USP3: variants seen among roughly 807,000 people sequenced by gnomAD.
USP3 encodes ubiquitin carboxyl-terminal hydrolase 3.
A neutral mutation model predicts 72.3 loss-of-function variants in USP3; 20 were observed. The ratio of observed to expected loss-of-function variants is 0.28; its 90% CI spans 0.19 to 0.40. The LOEUF (loss-of-function observed/expected upper bound fraction) is 0.40. USP3 is among the 10% of genes least tolerant of loss of function. The pLI is 1.00. For missense variants in USP3, 479 were observed against 633.9 expected (o/e 0.76, Z 2.62); for synonymous variants, 222 against 225.3 (o/e 0.99, Z 0.13).
chr15:63,564,516 A>G (rs868227589), intron 8 of USP3, among the ~76,000 whole-genome samples: 12 of 152,346 alleles, frequency 7.9e-5, no homozygotes, highest in Middle Eastern at 3.4e-3. Context: ...GCTTAGAAAC[A>G]TTATCATATT....
At position 63,592,113 on chromosome 15, in the gene USP3, T is replaced by G. The variant is rs1427663209; in HGVS notation, c.*1287T>G. 1 of 152,076 alleles carries G rather than the reference T, an allele frequency of 6.6e-6. No individual in the cohort carries two copies. The highest frequency in any genetic ancestry group is 2.4e-5 in the African/African-American group (1 of 41,400). The allele number at this position is 152,076 out of a possible 1,614,324, so 9.4% of individuals were successfully genotyped here. On this transcript the variant is annotated 3_prime_UTR_variant, in exon 15 of 15. Coordinates refer to ENST00000380324, the MANE Select transcript of USP3 (RefSeq NM_006537.4). ...TGTATTTTTAGTAAAGACGGGGGTT[T>G]ACCATGTTGGCTAGGGTGGTCTCAA...
chr15:63,556,314 T>C (rs1389347272), intron 4 of USP3: 2 of 181,254 alleles, frequency 1.1e-5, no homozygotes, highest in Admixed American at 1.2e-4. Context: ...AACAGTAGTA[T>C]CAGACCAGGG....
Position 63,574,463 on chromosome 15 carries a change from G to C in USP3, c.1096+60G>C. ...TTTAAATAATTGAATAGATTGATAAGCTTCATCTATATGTGGTATCTTTAA... is the reference window on the plus strand; with the variant it reads ...TTTAAATAATTGAATAGATTGATAACCTTCATCTATATGTGGTATCTTTAA... On this transcript the variant is annotated intron_variant, in intron 11 of 14. Transcript: ENST00000380324. The surrounding 1 kb of genome is among the most constrained non-coding windows in gnomAD (Gnocchi z 4.6). 1.6e-5 allele frequency: 21 copies of C among 1,280,652 alleles called. No homozygotes were observed. The highest frequency in any genetic ancestry group is 2.3e-5 in the Non-Finnish European group (21 of 919,180). The allele number at this position is 1,280,652 out of a possible 1,614,324, so 79.3% of individuals were successfully genotyped here.
At chr15:63,561,532 G>A (rs1022105784) in intron 7 of USP3, among the ~76,000 whole-genome samples, 3 of 152,218 alleles carry the variant, frequency 2.0e-5, no homozygotes, top group Non-Finnish European at 2.9e-5. Context: ...CAGCCATGCT[G>A]CTGCCCTGCA....
rs777314633 is a variant in USP3, at chr15:63,559,944, C to T, written c.621C>T (p.His207=). 5.0e-6 allele frequency: 8 copies of T among 1,614,032 alleles called. No homozygotes were observed. Among genetic ancestry groups the T allele is most frequent in the South Asian group, 2.2e-5 (2 of 91,066 alleles). The change falls in exon 7 of 15, where the codon CAC becomes CAT. Residue 207 remains histidine (H), a synonymous_variant. Transcript: ENST00000380324. ...AAACAGCAGGAAGGCGGACATACCA[C>T]ACCAGGAGCCAAGGGGATAACAATG... ...NGKTAGRRTY[H]TRSQGDNNVS...
intron 11 of USP3, among the ~76,000 whole-genome samples, chr15:63,577,810 T>G (rs2066888915): frequency 6.6e-6 from 1 of 151,708 alleles, no homozygotes; most frequent in Non-Finnish European, 1.5e-5. Context: ...ATGCCTATAA[T>G]CCCAGCTTCT....
At chr15:63,521,158 A>G (rs966648446) in intron 1 of USP3, among the ~76,000 whole-genome samples, 2 of 93,704 alleles carry the variant, frequency 2.1e-5, no homozygotes, top group Non-Finnish European at 4.7e-5. Context: ...TTTTTTTTTC[A>G]TTTAGCTGTA....
chr15:63,554,368 A>C (rs2066478461), intron 4 of USP3, among the ~76,000 whole-genome samples: 1 of 152,238 alleles, frequency 6.6e-6, no homozygotes, highest in South Asian at 2.1e-4. Flanking sequence ...GAAACTATTT[A>C]TATGTGAACA....
chr15:63,589,012 G>T lies in USP3; in HGVS notation c.1397+1G>T. ...CTGTGGTGGTGCACCATGGTTCCGG[G>T]TGAGTACAACAGCCAGCTTCTGGTG... On this transcript the variant is annotated splice_donor_variant, in intron 14 of 14. Transcript: ENST00000380324. LOFTEE classifies it high-confidence loss of function. 6.2e-7 allele frequency: 1 copy of T among 1,613,232 alleles called. No homozygotes were observed. Among genetic ancestry groups the T allele is most frequent in the African/African-American group, 1.3e-5 (1 of 75,016 alleles).
chr15:63,529,162 G>A lies in USP3; in HGVS notation c.92-3485G>A. 1.3e-6 allele frequency: 1 copy of A among 785,102 alleles called. No homozygotes were observed. Among genetic ancestry groups the A allele is most frequent in the Non-Finnish European group, 1.9e-6 (1 of 532,746 alleles). 48.6% of individuals were successfully genotyped at this position (785,102 alleles called of 1,614,324 possible). ...TACAGATGCAATCACCACCACACTT[G>A]GCAGGTAGTAAAGTGGTTTTTTTTT... On this transcript the variant is annotated intron_variant, in intron 1 of 14. Transcript: ENST00000380324. The surrounding 1 kb of genome is among the most constrained non-coding windows in gnomAD (Gnocchi z 4.2).
chr15:63,584,361 G>C (rs2067019838), intron 11 of USP3, among the ~76,000 whole-genome samples: 1 of 152,154 alleles, frequency 6.6e-6, no homozygotes, highest in South Asian at 2.1e-4. Flanking sequence ...GCCTCCCAAA[G>C]TGCTGGGATT....
chr15:63,589,245 C>T, intron 14 of USP3: 1 of 554,100 alleles, frequency 1.8e-6, no homozygotes, highest in Non-Finnish European at 3.2e-6. Flanking sequence ...GTATTTACGA[C>T]CCAGTCTTTA....
intron 1 of USP3, among the ~76,000 whole-genome samples, chr15:63,526,979 T>G (rs1442903746): frequency 6.6e-6 from 1 of 152,154 alleles, no homozygotes; most frequent in Non-Finnish European, 1.5e-5. Flanking sequence ...ACTGCAGCCT[T>G]GACTTCCTGG....
At chr15:63,563,180 A>G (rs1164663544) in intron 8 of USP3, among the ~76,000 whole-genome samples, 172 bp downstream of exon 8, 1 of 152,168 alleles carries the variant, frequency 6.6e-6, no homozygotes, top group African/African-American at 2.4e-5. Flanking sequence ...GACTAAACAC[A>G]TGTGTTTATT....
At position 63,592,982 on chromosome 15, in the gene USP3, CAT is replaced by C. The variant is rs775710486; in HGVS notation, c.*2157_*2158del. ...CATCCAGTACAATGGCCCCTAGCCA[CAT>C]GTGACTGAAATTTAAATTAGAAACT... On this transcript the variant is annotated 3_prime_UTR_variant, in exon 15 of 15. Coordinates refer to ENST00000380324, the MANE Select transcript of USP3 (RefSeq NM_006537.4). 2 of 152,190 alleles carry C rather than the reference CAT, an allele frequency of 1.3e-5. No homozygotes were observed. Among genetic ancestry groups the C allele is most frequent in the Admixed American group, 6.5e-5 (1 of 15,284 alleles). 9.4% of individuals were successfully genotyped at this position (152,190 alleles called of 1,614,324 possible).
At chr15:63,532,212 G>T (rs1177217716) in intron 1 of USP3, among the ~76,000 whole-genome samples, 2 of 152,188 alleles carry the variant, frequency 1.3e-5, no homozygotes, top group Non-Finnish European at 2.9e-5. Flanking sequence ...ACCTTATGTT[G>T]TGCCTCTTAG....
At chr15:63,537,649 G>A (rs148188977) in intron 3 of USP3, among the ~76,000 whole-genome samples, 1 of 152,182 alleles carries the variant, frequency 6.6e-6, no homozygotes, top group African/African-American at 2.4e-5. Context: ...CTCCCCCAAA[G>A]GTGAATGTCA....
At position 63,591,926 on chromosome 15, in the gene USP3, T is replaced by G. The variant is rs894328963; in HGVS notation, c.*1100T>G. The G allele has an allele frequency of 6.6e-6, 1 of 151,990 alleles. No homozygotes were observed. The highest frequency in any genetic ancestry group is 3.1e-3 in the Middle Eastern group (1 of 318). The allele number at this position is 151,990 out of a possible 1,614,324, so 9.4% of individuals were successfully genotyped here. A position where few individuals can be genotyped will look rare whatever the true frequency, so the allele number is the denominator to read the frequency against. On this transcript the variant is annotated 3_prime_UTR_variant, in exon 15 of 15. Transcript: ENST00000380324. ...GAGTTTTCGTTTTGTTTTTTGGGGG[T>G]TTTTGGAGACAAGAGTCTCTCTCTG...
At chr15:63,558,239 G>C (rs560743317) in intron 6 of USP3, 51 bp downstream of exon 6, 4 of 1,594,678 alleles carry the variant, frequency 2.5e-6, no homozygotes, top group Non-Finnish European at 1.7e-6. Context: ...TTAAGAGCAC[G>C]GGCTCTGGCT....
Sources: gnomAD v4.1 joint callset for allele counts (sites outside exome capture counted in the v4.1 genomes callset) on GRCh38, gnomAD v4.1.1 for gene constraint, Gnocchi (gnomAD v3.1) non-coding constraint, MANE v1.5 for transcripts, NCBI Gene and HGNC (gene_info 2026-07-23, HGNC 2026-07-21) for gene names.